Variants in GALNT13 observed in about 807,000 individuals in gnomAD.
The protein encoded by GALNT13 is polypeptide N-acetylgalactosaminyltransferase 13.
A neutral mutation model predicts 64.2 loss-of-function variants in GALNT13; 28 were observed. The observed-to-expected ratio is 0.44, with a 90% CI of 0.32 to 0.60. GALNT13 has a LOEUF of 0.60. Among genes scored for constraint, GALNT13 ranks in the 20% least tolerant of loss-of-function variants. The probability of loss-of-function intolerance (pLI) is 0.05; values close to 1 mark genes in which losing one functional copy is unlikely to be tolerated. For missense variants in GALNT13, 577 were observed against 669.8 expected (o/e 0.86, Z 1.53); for synonymous variants, 214 against 224.6 (o/e 0.95, Z 0.42).
the GALNT13 span, among the ~76,000 whole-genome samples, chr2:153,207,527 A>G: frequency 6.6e-6 from 1 of 152,086 alleles, no homozygotes; most frequent in East Asian, 1.9e-4. Context: ...TTCCTTCTTC[A>G]TTTATCAGCT....
At chr2:154,236,813 T>G (rs571044114) in intron 4 of GALNT13, among the ~76,000 whole-genome samples, 1 of 152,154 alleles carries the variant, frequency 6.6e-6, no homozygotes, top group African/African-American at 2.4e-5. Context: ...AAAGGGTTAT[T>G]TGGTCTAAAT....
the GALNT13 span, among the ~76,000 whole-genome samples, chr2:153,357,620 A>G: frequency 6.6e-6 from 1 of 152,150 alleles, no homozygotes; most frequent in African/African-American, 2.4e-5. Flanking sequence ...GAAACTTTTA[A>G]GATACCTCTA....
rs1186856290 is a variant in GALNT13, at chr2:154,450,890, AAG to A, written c.*343_*344del. On this transcript the variant is annotated 3_prime_UTR_variant, in exon 13 of 13. Coordinates refer to ENST00000392825, the MANE Select transcript of GALNT13 (RefSeq NM_052917.4). ...TATTTTTGGTTGTCATGGTGATTGAAAGAGATAATGTAAATGCCTTATAAAAT... is the reference window on the plus strand; with the variant it reads ...TATTTTTGGTTGTCATGGTGATTGAAAGATAATGTAAATGCCTTATAAAAT... 10 of 183,354 alleles carry A rather than the reference AAG, an allele frequency of 5.5e-5. No individual in the cohort carries two copies. The highest frequency in any genetic ancestry group is 1.4e-4 in the East Asian group (1 of 7,120). The allele number at this position is 183,354 out of a possible 1,614,324, so 11.4% of individuals were successfully genotyped here.
intron 4 of GALNT13, among the ~76,000 whole-genome samples, chr2:154,186,615 C>G (rs1442980980): frequency 6.6e-6 from 1 of 152,100 alleles, no homozygotes; most frequent in African/African-American, 2.4e-5. Flanking sequence ...TGCTTTGAAA[C>G]TAGTTGAGAA....
chr2:154,067,745 A>G (rs552637449), intron 3 of GALNT13, among the ~76,000 whole-genome samples: 204 of 152,252 alleles, frequency 1.3e-3, no homozygotes, highest in Non-Finnish European at 2.2e-3. Context: ...TAAAGCTAAG[A>G]CTTGAAACTA....
chr2:154,067,489 ACT>A (rs1700528382), intron 3 of GALNT13, among the ~76,000 whole-genome samples: 1 of 151,974 alleles, frequency 6.6e-6, no homozygotes, highest in African/African-American at 2.4e-5. Flanking sequence ...GAGTAGCTAT[ACT>A]TACATCAGAC....
chr2:154,213,007 G>A (rs1048422539), intron 4 of GALNT13, among the ~76,000 whole-genome samples: 1 of 152,130 alleles, frequency 6.6e-6, no homozygotes, highest in Non-Finnish European at 1.5e-5. Flanking sequence ...AGTGTTTGAA[G>A]ATCACTTTTA....
intron 11 of GALNT13, among the ~76,000 whole-genome samples, chr2:154,431,503 T>G (rs1410470429): frequency 2.6e-5 from 4 of 152,212 alleles, no homozygotes; most frequent in African/African-American, 4.8e-5. Flanking sequence ...ATATTTTAGA[T>G]CCTTCTCACA....
downstream of GALNT13, among the ~76,000 whole-genome samples, chr2:154,455,199 AT>A (rs1702015924): frequency 6.6e-6 from 1 of 152,170 alleles, no homozygotes; most frequent in African/African-American, 2.4e-5. Flanking sequence ...CATATTCTGA[AT>A]TAGTTCGGTA....
chr2:154,132,082 T>C (rs1682650795), intron 3 of GALNT13, among the ~76,000 whole-genome samples: 2 of 152,118 alleles, frequency 1.3e-5, no homozygotes. Context: ...CCCACCCAGA[T>C]TGAGGGTGGG....
At chr2:153,583,018 C>T in the GALNT13 span, among the ~76,000 whole-genome samples, 5 of 152,122 alleles carry the variant, frequency 3.3e-5, no homozygotes, top group Non-Finnish European at 5.9e-5. Flanking sequence ...AGTTTCTATT[C>T]TTGTGTTGCT....
the GALNT13 span, among the ~76,000 whole-genome samples, chr2:153,142,299 C>T: frequency 4.0e-3 from 607 of 152,068 alleles, 1 homozygote; most frequent in Admixed American, 0.01. Context: ...TTGGGAAAGC[C>T]GCAGGGAGTT....
chr2:154,117,988 G>C (rs796779918), intron 3 of GALNT13, among the ~76,000 whole-genome samples: 1 of 152,158 alleles, frequency 6.6e-6, no homozygotes, highest in Non-Finnish European at 1.5e-5. Context: ...GTATTCTGTT[G>C]TTATCTGTTG....
chr2:153,198,766 A>G, the GALNT13 span, among the ~76,000 whole-genome samples: 2 of 152,234 alleles, frequency 1.3e-5, no homozygotes, highest in Non-Finnish European at 2.9e-5. Context: ...GGGATAATGA[A>G]ACAAGGTGAT....
At chr2:153,518,361 G>T in the GALNT13 span, among the ~76,000 whole-genome samples, 1 of 151,978 alleles carries the variant, frequency 6.6e-6, no homozygotes, top group Admixed American at 6.6e-5. Flanking sequence ...CAGGATACTT[G>T]ATACCTGACA....
intron 8 of GALNT13, among the ~76,000 whole-genome samples, chr2:154,260,828 C>T (rs772796493): frequency 6.6e-5 from 10 of 152,090 alleles, no homozygotes; most frequent in East Asian, 3.9e-4. Flanking sequence ...TGATATTCTT[C>T]GGGTGCTATG....
At chr2:154,172,835 A>G (rs1685438118) in intron 4 of GALNT13, among the ~76,000 whole-genome samples, 1 of 152,058 alleles carries the variant, frequency 6.6e-6, no homozygotes, top group Non-Finnish European at 1.5e-5. Flanking sequence ...GTACAAAAAA[A>G]TTGATAGATA....
chr2:153,476,820 G>A, the GALNT13 span, among the ~76,000 whole-genome samples: 1 of 152,140 alleles, frequency 6.6e-6, no homozygotes, highest in African/African-American at 2.4e-5. Context: ...CGTCACTAAC[G>A]TCACTGTGTA....
chr2:153,102,053 A>G, the GALNT13 span, among the ~76,000 whole-genome samples: 1 of 152,144 alleles, frequency 6.6e-6, no homozygotes, highest in Non-Finnish European at 1.5e-5. Context: ...TATTTATGGA[A>G]ATAGATATTA....
Sources: allele counts gnomAD v4.1 joint callset (sites outside exome capture counted in the v4.1 genomes callset), GRCh38; gene constraint gnomAD v4.1.1; transcripts MANE v1.5; gene names NCBI Gene and HGNC (gene_info 2026-07-23, HGNC 2026-07-21).